Variants in SLC14A2 observed in about 807,000 individuals in gnomAD.
SLC14A2 encodes urea transporter 2.
SLC14A2 carries 91 observed loss-of-function variants against 104.6 expected under a neutral mutation model. The ratio of observed to expected loss-of-function variants is 0.87; its 90% confidence interval spans 0.73 to 1.04. The LOEUF (loss-of-function observed/expected upper bound fraction) is 1.04. SLC14A2 is among the 50% of genes least tolerant of loss of function. SLC14A2 has a pLI of 0.00. For synonymous variants in SLC14A2, 476 were observed against 466.4 expected (o/e 1.02, Z -0.27); for missense variants, 1,189 against 1,156.0 (o/e 1.03, Z -0.41).
intron 2 of SLC14A2, among the ~76,000 whole-genome samples, chr18:45,518,779 GC>G (rs1305501007): frequency 6.6e-6 from 1 of 152,172 alleles, no homozygotes; most frequent in African/African-American, 2.4e-5. Context: ...GAAAAAAAGA[GC>G]AGGAGGACCT....
At chr18:45,405,794 GA>G (rs1167546051) in intron 1 of SLC14A2, among the ~76,000 whole-genome samples, 7 of 151,856 alleles carry the variant, frequency 4.6e-5, no homozygotes, top group African/African-American at 1.7e-4. Context: ...AGCTACTGGG[GA>G]GGCTGAGGCA....
intron 1 of SLC14A2, among the ~76,000 whole-genome samples, chr18:45,432,937 G>A (rs2086539926): frequency 6.6e-6 from 1 of 152,028 alleles, no homozygotes; most frequent in African/African-American, 2.4e-5. Context: ...AAATAAATAG[G>A]TAAATGAGAG....
At chr18:45,492,353 C>T (rs1043402464) in intron 2 of SLC14A2, among the ~76,000 whole-genome samples, 1 of 152,190 alleles carries the variant, frequency 6.6e-6, no homozygotes, top group African/African-American at 2.4e-5. Context: ...TTAATTGACT[C>T]ACAGTTCTGC....
intron 1 of SLC14A2, among the ~76,000 whole-genome samples, chr18:45,259,951 G>T (rs1198149455): frequency 6.6e-6 from 1 of 152,106 alleles, no homozygotes; most frequent in African/African-American, 2.4e-5. Context: ...CTCAGATATG[G>T]TGCTAATGGA....
chr18:45,254,926 A>G (rs539386783), intron 1 of SLC14A2, among the ~76,000 whole-genome samples: 12 of 152,252 alleles, frequency 7.9e-5, no homozygotes, highest in Non-Finnish European at 1.6e-4. Context: ...GCAGCCGCCC[A>G]CATTTACTCC....
intron 1 of SLC14A2, among the ~76,000 whole-genome samples, chr18:45,279,370 T>C (rs1224200061): frequency 6.6e-6 from 1 of 152,226 alleles, no homozygotes. Flanking sequence ...CTTCCTCATA[T>C]ATCACTTTGA....
chr18:45,358,056 G>A (rs2085573346), intron 1 of SLC14A2, among the ~76,000 whole-genome samples: 1 of 152,226 alleles, frequency 6.6e-6, no homozygotes, highest in South Asian at 2.1e-4. Flanking sequence ...GAGAGGCAGA[G>A]CAGAGAGGTT....
intron 1 of SLC14A2, chr18:45,213,330 T>G (rs2083978167): frequency 6.6e-6 from 1 of 152,168 alleles, no homozygotes; most frequent in Admixed American, 6.5e-5. Context: ...AAATATATTC[T>G]TTCTTTCAAT....
intron 2 of SLC14A2, among the ~76,000 whole-genome samples, chr18:45,501,893 G>C (rs531527524): frequency 3.2e-4 from 49 of 152,336 alleles, no homozygotes; most frequent in African/African-American, 1.1e-3. Context: ...TGGGACATGA[G>C]CTCCAACCCT....
Position 45,417,701 on chromosome 18 carries a change from C to A in SLC14A2, c.-124-65532C>A, listed in dbSNP as rs142458764. ...GATTTGGGTGGGGACACAGCCAAAC[C>A]ATATCACCTTTTATCATCGTTATTG... On this transcript the variant is annotated intron_variant, in intron 1 of 20. Transcript: ENST00000586448. Among the ~76,000 whole-genome samples, 1,193 of 152,224 alleles carry A rather than the reference C, an allele frequency of 7.8e-3. 13 individuals carry two copies. The highest frequency in any genetic ancestry group is 0.027 in the African/African-American group (1,128 of 41,530).
At chr18:45,441,942 A>G (rs527715978) in intron 1 of SLC14A2, among the ~76,000 whole-genome samples, 4 of 152,318 alleles carry the variant, frequency 2.6e-5, no homozygotes, top group African/African-American at 7.2e-5. Flanking sequence ...ACATGAAAAA[A>G]GTAGACAACA....
chr18:45,379,588 C>T (rs1301889244), intron 1 of SLC14A2, among the ~76,000 whole-genome samples: 1 of 152,206 alleles, frequency 6.6e-6, no homozygotes, highest in Non-Finnish European at 1.5e-5. Flanking sequence ...GGTGAAATAC[C>T]TTTAAAATGC....
At chr18:45,663,536 G>T (rs918578347) in intron 10 of SLC14A2, among the ~76,000 whole-genome samples, 1 of 152,170 alleles carries the variant, frequency 6.6e-6, no homozygotes, top group African/African-American at 2.4e-5. Flanking sequence ...AAGAAATAAG[G>T]CAAACTGCTC....
chr18:45,604,779 T>C (rs2044842403), intron 2 of SLC14A2, among the ~76,000 whole-genome samples: 1 of 152,232 alleles, frequency 6.6e-6, no homozygotes, highest in African/African-American at 2.4e-5. Flanking sequence ...TTAATGTCAA[T>C]GAATGTAAAT....
chr18:45,511,234 A>G (rs1342268967), intron 2 of SLC14A2, among the ~76,000 whole-genome samples: 1 of 151,962 alleles, frequency 6.6e-6, no homozygotes, highest in East Asian at 1.9e-4. Context: ...TTATTTCACT[A>G]TTTACTCTGT....
chr18:45,524,183 C>G (rs2043558338), intron 2 of SLC14A2, among the ~76,000 whole-genome samples: 1 of 152,126 alleles, frequency 6.6e-6, no homozygotes, highest in South Asian at 2.1e-4. Flanking sequence ...TTATTCTTTA[C>G]TATTCTCAGC....
At chr18:45,239,846 T>G (rs1042868293) in intron 1 of SLC14A2, among the ~76,000 whole-genome samples, 10 of 152,184 alleles carry the variant, frequency 6.6e-5, no homozygotes, top group African/African-American at 1.2e-4. Context: ...CCAAAGATCT[T>G]CATATAGAGT....
chr18:45,220,144 A>G (rs1468981628), intron 1 of SLC14A2, among the ~76,000 whole-genome samples: 1 of 147,932 alleles, frequency 6.8e-6, no homozygotes, highest in Non-Finnish European at 1.5e-5. Flanking sequence ...AGTCATTCCT[A>G]ATAGAGCTAG....
intron 1 of SLC14A2, among the ~76,000 whole-genome samples, chr18:45,419,209 A>G (rs1002985457): frequency 8.5e-5 from 13 of 152,300 alleles, no homozygotes; most frequent in Non-Finnish European, 1.8e-4. Flanking sequence ...TATTCACTCT[A>G]TGTGGTGGAG....
Sources: gnomAD v4.1 joint callset for allele counts (sites outside exome capture counted in the v4.1 genomes callset) on GRCh38, gnomAD v4.1.1 for gene constraint, MANE v1.5 for transcripts, NCBI Gene and HGNC (gene_info 2026-07-23, HGNC 2026-07-21) for gene names.